The following DSCAM variants were observed in gnomAD, a reference collection of about 807,000 sequenced individuals.
The protein encoded by DSCAM is DS cell adhesion molecule, also known as cell adhesion molecule DSCAM.
In DSCAM, 47 loss-of-function variants were observed where a neutral mutation model predicts 217.7. The observed-to-expected ratio is 0.22, with a 90% CI of 0.17 to 0.28. DSCAM has a LOEUF of 0.28. DSCAM is among the 10% of genes least tolerant of loss of function. The pLI is 1.00. For missense variants in DSCAM, 2,080 were observed against 2,618.3 expected, an observed-to-expected ratio of 0.79 and a Z score of 4.49; for synonymous variants, 1,056 against 1,015.3, an observed-to-expected ratio of 1.04 and a Z score of -0.76.
intron 1 of DSCAM, among the ~76,000 whole-genome samples, chr21:40,836,271 A>G (rs1177036625): frequency 6.6e-6 from 1 of 152,244 alleles, no homozygotes; most frequent in Non-Finnish European, 1.5e-5. Flanking sequence ...GAAGGGACCA[A>G]TGTGAGAAAT....
chr21:40,353,495 C>A lies in DSCAM; in HGVS notation c.904G>T (p.Ala302Ser). The A allele has an allele frequency of 6.2e-7, 1 of 1,611,120 alleles. No individual in the cohort carries two copies. The change falls in exon 5 of 33, where the codon GCT (alanine) becomes TCT (serine). Residue 302 changes from alanine (A) to serine (S), a missense_variant. Transcript: ENST00000400454. ...ACGTACAGGCGGCCTATCACCTTAG[C>A]AGTTCCGTATCTGTTGGACACTTCA... ...VCEVSNRYGT[A>S]KVIGRLYVKQ...
intron 20 of DSCAM, among the ~76,000 whole-genome samples, chr21:40,120,342 C>T (rs947132028): frequency 5.3e-5 from 8 of 152,142 alleles, no homozygotes; most frequent in East Asian, 1.9e-4. Flanking sequence ...TTCTAAGCTC[C>T]GCAAATGAGA....
At chr21:40,566,354 T>C (rs1011776710) in intron 3 of DSCAM, among the ~76,000 whole-genome samples, 16 of 152,156 alleles carry the variant, frequency 1.1e-4, no homozygotes, top group Non-Finnish European at 2.2e-4. Flanking sequence ...AAAATCTTAC[T>C]AACATAATCA....
chr21:40,312,802 C>A (rs951215460), intron 8 of DSCAM, among the ~76,000 whole-genome samples: 1 of 152,276 alleles, frequency 6.6e-6, no homozygotes, highest in African/African-American at 2.4e-5. Flanking sequence ...ATATTCTAAA[C>A]CCACTGAAGA....
chr21:40,833,329 C>G (rs1312607012), intron 1 of DSCAM, among the ~76,000 whole-genome samples: 1 of 152,168 alleles, frequency 6.6e-6, no homozygotes, highest in Non-Finnish European at 1.5e-5. Flanking sequence ...TATCCCCTCT[C>G]CCTTTTACCA....
chr21:40,319,731 AC>A (rs1305384751), intron 8 of DSCAM, among the ~76,000 whole-genome samples: 1 of 152,158 alleles, frequency 6.6e-6, no homozygotes, highest in Admixed American at 6.5e-5. Flanking sequence ...AGCCTTGCCA[AC>A]ACTTGTTATC....
At chr21:40,150,637 G>A (rs2090414853) in intron 16 of DSCAM, among the ~76,000 whole-genome samples, 1 of 152,212 alleles carries the variant, frequency 6.6e-6, no homozygotes, top group East Asian at 1.9e-4. Flanking sequence ...TGTGCTTAGT[G>A]GAGACACGTG....
chr21:40,146,687 A>T (rs929587881), intron 16 of DSCAM, among the ~76,000 whole-genome samples: 5 of 152,180 alleles, frequency 3.3e-5, no homozygotes, highest in Non-Finnish European at 7.3e-5. Flanking sequence ...GGTGTCAGTG[A>T]AACAGTCGCG....
intron 3 of DSCAM, among the ~76,000 whole-genome samples, chr21:40,550,757 A>T (rs1393791371): frequency 2.0e-5 from 3 of 152,204 alleles, no homozygotes; most frequent in African/African-American, 7.2e-5. Flanking sequence ...CCAGAACCAT[A>T]ATATGTTCAG....
chr21:40,201,387 T>G (rs1401979107), intron 11 of DSCAM, among the ~76,000 whole-genome samples: 2 of 152,128 alleles, frequency 1.3e-5, no homozygotes. Context: ...CTTTTTTTTT[T>G]TCCATCTGTC....
At chr21:40,541,712 T>G (rs1287704578) in intron 3 of DSCAM, among the ~76,000 whole-genome samples, 1 of 152,166 alleles carries the variant, frequency 6.6e-6, no homozygotes, top group African/African-American at 2.4e-5. Context: ...ATTACATGTA[T>G]TAAAATGAAC....
At chr21:40,277,864 G>A (rs188293029) in intron 10 of DSCAM, among the ~76,000 whole-genome samples, 394 of 133,754 alleles carry the variant, frequency 2.9e-3, no homozygotes, top group Middle Eastern at 4.7e-3. Flanking sequence ...GTGAGACTTC[G>A]TCTCAAAAAA....
intron 2 of DSCAM, among the ~76,000 whole-genome samples, chr21:40,700,654 A>G (rs1378432593): frequency 6.6e-6 from 1 of 151,752 alleles, no homozygotes; most frequent in East Asian, 1.9e-4. Context: ...GGTAATGCTA[A>G]CTTCATAAAA....
intron 3 of DSCAM, among the ~76,000 whole-genome samples, chr21:40,587,279 C>T (rs989347239): frequency 6.6e-6 from 1 of 152,132 alleles, no homozygotes; most frequent in Non-Finnish European, 1.5e-5. Context: ...TAGCTTTAAG[C>T]ATCTAATTTT....
At chr21:40,400,356 A>C (rs2075222492) in intron 3 of DSCAM, among the ~76,000 whole-genome samples, 2 of 152,224 alleles carry the variant, frequency 1.3e-5, no homozygotes, top group Admixed American at 6.5e-5. Context: ...TTATATTTTC[A>C]TAAATCTTTT....
chr21:40,433,261 A>C (rs1312372361), intron 3 of DSCAM, among the ~76,000 whole-genome samples: 4 of 150,164 alleles, frequency 2.7e-5, no homozygotes, highest in South Asian at 4.2e-4. Flanking sequence ...AGGCAGAAGA[A>C]TTGCTTGAAC....
At chr21:40,527,861 A>G (rs1026290008) in intron 3 of DSCAM, among the ~76,000 whole-genome samples, 11 of 152,164 alleles carry the variant, frequency 7.2e-5, no homozygotes, top group African/African-American at 2.4e-4. Flanking sequence ...GAAACCCTGT[A>G]TGCGGCTCTC....
chr21:40,298,390 C>T (rs1384003477), intron 9 of DSCAM, among the ~76,000 whole-genome samples: 1 of 152,042 alleles, frequency 6.6e-6, no homozygotes, highest in African/African-American at 2.4e-5. Context: ...CTGACATATT[C>T]TTGATGAGCA....
chr21:40,799,515 C>A (rs2091720235), intron 1 of DSCAM, among the ~76,000 whole-genome samples: 1 of 152,192 alleles, frequency 6.6e-6, no homozygotes, highest in Non-Finnish European at 1.5e-5. Flanking sequence ...TTCTGGAGGA[C>A]AGAAGTCCAA....
Sources: gnomAD v4.1 joint callset for allele counts (sites outside exome capture counted in the v4.1 genomes callset) on GRCh38, gnomAD v4.1.1 for gene constraint, MANE v1.5 for transcripts, NCBI Gene and HGNC (gene_info 2026-07-23, HGNC 2026-07-21) for gene names.